The following CSMD1 variants were observed in gnomAD, a reference collection of about 807,000 sequenced individuals.
CSMD1 encodes CUB and sushi domain-containing protein 1.
CSMD1 carries 213 observed loss-of-function variants against 417.5 expected under a neutral mutation model. That is an observed-to-expected ratio of 0.51 (90% CI 0.46 to 0.57). The LOEUF is 0.57. CSMD1 is among the 20% of genes least tolerant of loss of function. The probability of loss-of-function intolerance (pLI) is 0.00; values close to 1 mark genes in which losing one functional copy is unlikely to be tolerated. For synonymous variants in CSMD1, 2,862 were observed against 1,736.8 expected (o/e 1.65, Z -16.11); for missense variants, 6,923 against 4,529.7 (o/e 1.53, Z -15.17).
intron 30 of CSMD1, among the ~76,000 whole-genome samples, chr8:3,210,546 CGT>C (rs761938769): frequency 5.0e-4 from 73 of 144,874 alleles, no homozygotes; most frequent in Admixed American, 3.4e-3. Context: ...TACATATATA[CGT>C]GTGTATATAT....
At chr8:3,526,923 T>A (rs1424604010) in intron 10 of CSMD1, among the ~76,000 whole-genome samples, 7 of 152,178 alleles carry the variant, frequency 4.6e-5, no homozygotes, top group Non-Finnish European at 8.8e-5. Context: ...TCTAATGGTG[T>A]CCAGGGGATA....
intron 1 of CSMD1, among the ~76,000 whole-genome samples, chr8:4,971,719 T>G (rs151326269): frequency 2.0e-5 from 3 of 151,668 alleles, no homozygotes; most frequent in Non-Finnish European, 4.4e-5. Context: ...TTTGCTTCTA[T>G]GATTACATTC....
intron 3 of CSMD1, among the ~76,000 whole-genome samples, chr8:4,077,542 C>G (rs997373590): frequency 6.6e-6 from 1 of 151,954 alleles, no homozygotes; most frequent in Non-Finnish European, 1.5e-5. Flanking sequence ...TCACTCTGGT[C>G]AAAACAACAC....
At chr8:4,426,690 T>A (rs1284631885) in intron 2 of CSMD1, among the ~76,000 whole-genome samples, 2 of 147,090 alleles carry the variant, frequency 1.4e-5, no homozygotes, top group Non-Finnish European at 3.0e-5. Context: ...TATAGTAATA[T>A]TTTTATTATA....
At chr8:3,227,855 G>C (rs1798607607) in intron 27 of CSMD1, among the ~76,000 whole-genome samples, 2 of 151,174 alleles carry the variant, frequency 1.3e-5, no homozygotes, top group Non-Finnish European at 2.9e-5. Context: ...GCAACTTCTA[G>C]CTCCTGGGTT....
intron 1 of CSMD1, among the ~76,000 whole-genome samples, chr8:4,793,126 A>G (rs1445185235): frequency 6.6e-6 from 1 of 152,164 alleles, no homozygotes; most frequent in Non-Finnish European, 1.5e-5. Context: ...GAAATATAGC[A>G]TAACAGGTCA....
At chr8:3,699,681 C>T (rs1397409786) in intron 7 of CSMD1, among the ~76,000 whole-genome samples, 2 of 152,188 alleles carry the variant, frequency 1.3e-5, no homozygotes, top group South Asian at 4.1e-4. Flanking sequence ...TGATCTGAAA[C>T]ACTATAAGAC....
chr8:4,048,079 C>G (rs975625499), intron 3 of CSMD1, among the ~76,000 whole-genome samples: 4 of 152,088 alleles, frequency 2.6e-5, no homozygotes, highest in South Asian at 2.1e-4. Context: ...TTGTGCATTC[C>G]TAATTGATAA....
rs192650130 is a variant in CSMD1 at position 3,635,045 on chromosome 8, T to G, written c.1010-18248A>C. Among the ~76,000 whole-genome samples the G allele has an allele frequency of 1.1e-4, 17 of 149,724 alleles. No individual in the cohort carries two copies. In the East Asian group the frequency reaches 2.8e-3, roughly 25 times the overall value. Reference sequence around the variant, plus strand: ...AAACTAAGGTAAAAACACTGTTTAATGATAAAAAAAAAAATGGGATGCCTA... The same window carrying G: ...AAACTAAGGTAAAAACACTGTTTAAGGATAAAAAAAAAAATGGGATGCCTA... On this transcript the variant is annotated intron_variant, in intron 7 of 69. Transcript: ENST00000635120.
rs148539793 is a variant in CSMD1, at chr8:3,586,069, A to G, written c.1222+67T>C. ...ACACAATGCTTCATGCTTAAATTGT[A>G]TATTCATAAAAATGCCAACCTTAAA... On this transcript the variant is annotated intron_variant, in intron 9 of 69. Coordinates refer to ENST00000635120, the MANE Select transcript of CSMD1 (RefSeq NM_033225.6). 2.1e-4 allele frequency: 323 copies of G among 1,512,178 alleles called. 1 individual carries two copies. The East Asian group carries it at 7.3e-3, about 34-fold the overall frequency. The allele number at this position is 1,512,178 out of a possible 1,614,324, so 93.7% of individuals were successfully genotyped here. A position where few individuals can be genotyped will look rare whatever the true frequency, so the allele number is the denominator to read the frequency against.
At chr8:2,951,348 AAGGC>A (rs2128919651) in intron 65 of CSMD1, 73 bp from the exon 66 acceptor site, 1 of 1,439,486 alleles carries the variant, frequency 6.9e-7, no homozygotes, top group Non-Finnish European at 9.3e-7. Context: ...TTAAACACAG[AAGGC>A]ATCATACTGC....
chr8:3,491,435 G>C (rs1020439490), intron 11 of CSMD1, among the ~76,000 whole-genome samples: 3 of 152,162 alleles, frequency 2.0e-5, no homozygotes, highest in East Asian at 3.8e-4. Context: ...GTGCGTAAAA[G>C]ATACATAAAA....
chr8:3,309,355 C>G (rs577250828), intron 23 of CSMD1, among the ~76,000 whole-genome samples: 8 of 151,372 alleles, frequency 5.3e-5, no homozygotes, highest in Admixed American at 1.3e-4. Flanking sequence ...GAATTACTGC[C>G]GACCACACTC....
chr8:4,496,958 C>A (rs763689775), intron 2 of CSMD1, among the ~76,000 whole-genome samples: 1 of 152,056 alleles, frequency 6.6e-6, no homozygotes, highest in African/African-American at 2.4e-5. Context: ...AAACTAATAG[C>A]TTACAAAGCT....
chr8:2,938,650 T>C lies in CSMD1; in HGVS notation c.10630A>G (p.Lys3544Glu). Reference protein sequence around the residue: ...FENPMYDTNLKPTEAKAVRFD... With the variant: ...FENPMYDTNLEPTEAKAVRFD... ...CTCACAGCCTTGGCTTCTGTGGGTT[T>C]TAAGTTTGTATCATACATGGGGTTT... is the stretch of plus-strand genomic sequence containing the variant. Residue 3544 changes from lysine (K) to glutamate (E), a missense_variant, in exon 70 of 70, where the codon AAA becomes GAA. Physicochemically the swap from Lys to Glu is moderately conservative, Grantham distance 56 (BLOSUM62 1). Coordinates refer to ENST00000635120, the MANE Select transcript of CSMD1 (RefSeq NM_033225.6). The C allele has an allele frequency of 6.2e-7, 1 of 1,611,850 alleles. No homozygotes were observed. Among genetic ancestry groups the C allele is most frequent in the Non-Finnish European group, 8.5e-7 (1 of 1,178,962 alleles).
At chr8:4,434,336 A>G (rs1241386406) in intron 2 of CSMD1, among the ~76,000 whole-genome samples, 2 of 152,200 alleles carry the variant, frequency 1.3e-5, no homozygotes, top group African/African-American at 2.4e-5. Context: ...ATTACACTCC[A>G]GCCTGGGCAA....
At chr8:4,239,185 C>G (rs544591288) in intron 3 of CSMD1, among the ~76,000 whole-genome samples, 118 of 152,306 alleles carry the variant, frequency 7.7e-4, no homozygotes, top group African/African-American at 2.8e-3. Context: ...GAACTATCTT[C>G]TTACATTAGA....
At position 4,084,854 on chromosome 8, in the gene CSMD1, C is replaced by A. The variant is rs547181896; in HGVS notation, c.416-52755G>T. Among the ~76,000 whole-genome samples, 4 of 148,288 alleles carry A rather than the reference C, an allele frequency of 2.7e-5. No individual in the cohort carries two copies. The South Asian group carries it at 8.7e-4, about 32-fold the overall frequency. ...TCTGTTCCATCTTGAAGAAGAATGACAAAAGCATGGTCTAATGCAAATACA... is the reference window on the plus strand; with the variant it reads ...TCTGTTCCATCTTGAAGAAGAATGAAAAAAGCATGGTCTAATGCAAATACA... On this transcript the variant is annotated intron_variant, in intron 3 of 69. Transcript: ENST00000635120.
In CSMD1 at chr8:3,201,605, G is replaced by A. The variant is rs991432568; in HGVS notation, c.5098+7C>T. ...CTAAATTAAGGGCAAAATTCTTTAA[G>A]ACTTACCTGAGTGAGACCCCGAGAG... On this transcript the variant is annotated splice_region_variant and intron_variant, in intron 32 of 69. Transcript: ENST00000635120. The A allele has an allele frequency of 5.8e-6, 9 of 1,562,612 alleles. No homozygotes were observed. The highest frequency in any genetic ancestry group is 1.2e-5 in the South Asian group (1 of 85,844).
Sources: gnomAD v4.1 joint callset for allele counts (sites outside exome capture counted in the v4.1 genomes callset) on GRCh38, gnomAD v4.1.1 for gene constraint, MANE v1.5 for transcripts, NCBI Gene and HGNC (gene_info 2026-07-23, HGNC 2026-07-21) for gene names.